KLF12: variants seen among roughly 807,000 people sequenced by gnomAD.
KLF12 encodes KLF transcription factor 12.
KLF12 carries 9 observed loss-of-function variants against 37.8 expected under a neutral mutation model. The observed-to-expected ratio is 0.24, with a 90% CI of 0.14 to 0.42. The LOEUF is 0.42. Among genes scored for constraint, KLF12 ranks in the 10% least tolerant of loss-of-function variants. The pLI is 1.00. For synonymous variants in KLF12, 208 were observed against 202.1 expected, an observed-to-expected ratio of 1.03 and a Z score of -0.25; for missense variants, 411 against 516.0, an observed-to-expected ratio of 0.80 and a Z score of 1.97.
At chr13:74,285,322 C>T in the KLF12 span, among the ~76,000 whole-genome samples, 15 of 151,900 alleles carry the variant, frequency 9.9e-5, no homozygotes, top group Non-Finnish European at 1.9e-4. Flanking sequence ...CAATAGCTGG[C>T]GTTAAAACAA....
the KLF12 span, among the ~76,000 whole-genome samples, chr13:74,297,764 C>T: frequency 6.6e-6 from 1 of 152,210 alleles, no homozygotes; most frequent in African/African-American, 2.4e-5. Context: ...AATTTAAAAT[C>T]GAATACATTC....
chr13:74,157,457 C>T, the KLF12 span, among the ~76,000 whole-genome samples: 1 of 152,118 alleles, frequency 6.6e-6, no homozygotes, highest in Non-Finnish European at 1.5e-5. Flanking sequence ...AAGCATGTTA[C>T]CCTAGACTTA....
the KLF12 span, among the ~76,000 whole-genome samples, chr13:74,247,023 T>C: frequency 6.6e-6 from 1 of 152,212 alleles, no homozygotes; most frequent in Non-Finnish European, 1.5e-5. Flanking sequence ...ATTCCATCCA[T>C]AGTTACTACA....
intron 3 of KLF12, among the ~76,000 whole-genome samples, chr13:73,938,232 G>A (rs531941571): frequency 1.9e-3 from 283 of 152,098 alleles, no homozygotes; most frequent in Non-Finnish European, 2.9e-3. Context: ...ACGCCTTTAC[G>A]CACAGATGTA....
intron 6 of KLF12, among the ~76,000 whole-genome samples, chr13:73,739,336 A>G (rs770681845): frequency 1.3e-5 from 2 of 152,002 alleles, no homozygotes; most frequent in Non-Finnish European, 2.9e-5. Context: ...AAGCATCTGA[A>G]GCAGTGCCTG....
intron 3 of KLF12, among the ~76,000 whole-genome samples, chr13:73,918,023 A>C (rs974702420): frequency 6.6e-6 from 1 of 152,090 alleles, no homozygotes; most frequent in African/African-American, 2.4e-5. Flanking sequence ...TTAAATGCTT[A>C]GTCTGGTTAT....
intron 2 of KLF12, among the ~76,000 whole-genome samples, chr13:73,945,745 C>T (rs371536820): frequency 6.6e-6 from 1 of 152,152 alleles, no homozygotes; most frequent in Non-Finnish European, 1.5e-5. Flanking sequence ...AAATTACTGT[C>T]AATATTATTT....
the KLF12 span, among the ~76,000 whole-genome samples, chr13:74,262,394 A>G: frequency 1.3e-5 from 2 of 152,210 alleles, no homozygotes; most frequent in Non-Finnish European, 2.9e-5. Flanking sequence ...TTTAAATGCT[A>G]AGAAAGAATA....
At chr13:74,207,051 C>A in the KLF12 span, among the ~76,000 whole-genome samples, 1 of 152,164 alleles carries the variant, frequency 6.6e-6, no homozygotes, top group African/African-American at 2.4e-5. Flanking sequence ...GAGGGGCTGG[C>A]ATTTGTTAAG....
intron 2 of KLF12, among the ~76,000 whole-genome samples, chr13:73,987,737 G>A (rs1031419187): frequency 1.4e-5 from 2 of 143,674 alleles, no homozygotes; most frequent in Non-Finnish European, 3.0e-5. Context: ...GGAAGTGGGA[G>A]GAAAGAGGAA....
the KLF12 span, among the ~76,000 whole-genome samples, chr13:74,217,154 G>A: frequency 6.6e-6 from 1 of 151,932 alleles, no homozygotes; most frequent in Non-Finnish European, 1.5e-5. Flanking sequence ...AACATTAAAT[G>A]TTAGATGATT....
chr13:73,764,538 TC>T (rs1203286934), intron 6 of KLF12, among the ~76,000 whole-genome samples: 24 of 152,120 alleles, frequency 1.6e-4, no homozygotes, highest in African/African-American at 5.5e-4. Context: ...ATCACTGAGT[TC>T]GTTGTAATCC....
At chr13:74,297,069 T>G in the KLF12 span, among the ~76,000 whole-genome samples, 1 of 25,778 alleles carries the variant, frequency 3.9e-5, no homozygotes, top group East Asian at 3.7e-3. Context: ...GTGAAAGTCA[T>G]TCATTCATTC....
At chr13:74,109,606 T>C (rs969865331) in intron 1 of KLF12, among the ~76,000 whole-genome samples, 4 of 152,066 alleles carry the variant, frequency 2.6e-5, no homozygotes, top group Non-Finnish European at 5.9e-5. Context: ...AAGAAGAAAA[T>C]TGTAAGATGT....
At chr13:74,194,547 A>G in the KLF12 span, among the ~76,000 whole-genome samples, 1 of 152,186 alleles carries the variant, frequency 6.6e-6, no homozygotes, top group Non-Finnish European at 1.5e-5. Context: ...AAACCCTTTC[A>G]TAAAGACACC....
chr13:74,079,340 C>T (rs1329573466), intron 1 of KLF12, among the ~76,000 whole-genome samples: 2 of 152,212 alleles, frequency 1.3e-5, no homozygotes, highest in Admixed American at 1.3e-4. Flanking sequence ...ATACTTGATG[C>T]TAGTGAATTG....
intron 2 of KLF12, among the ~76,000 whole-genome samples, chr13:73,958,024 C>T (rs747566179): frequency 6.6e-6 from 1 of 152,166 alleles, no homozygotes; most frequent in Non-Finnish European, 1.5e-5. Context: ...TCTTTTCGCA[C>T]ATGCAGTTTT....
intron 2 of KLF12, among the ~76,000 whole-genome samples, chr13:73,977,795 C>T (rs1187612986): frequency 6.6e-6 from 1 of 152,120 alleles, no homozygotes; most frequent in South Asian, 2.1e-4. Context: ...TGGAACAGAA[C>T]AGAGTTCAGA....
At chr13:74,185,699 T>G in the KLF12 span, among the ~76,000 whole-genome samples, 2 of 152,164 alleles carry the variant, frequency 1.3e-5, no homozygotes, top group African/African-American at 4.8e-5. Flanking sequence ...CAGGCTGGAG[T>G]GCAATGGTGT....
Sources: gnomAD v4.1 joint callset for allele counts (sites outside exome capture counted in the v4.1 genomes callset) on GRCh38, gnomAD v4.1.1 for gene constraint, MANE v1.5 for transcripts, NCBI Gene and HGNC (gene_info 2026-07-23, HGNC 2026-07-21) for gene names.